KCNIP4: variants seen among roughly 807,000 people sequenced by gnomAD.
KCNIP4 encodes Kv channel-interacting protein 4.
Under a neutral mutation model 34.0 loss-of-function variants are expected in KCNIP4, and 12 were observed. That is an observed-to-expected ratio of 0.35 (90% CI 0.23 to 0.57). KCNIP4 has a LOEUF of 0.57. Ranked by LOEUF, KCNIP4 falls within the 20% of genes least tolerant of loss-of-function variation. KCNIP4 has a pLI of 0.83. For synonymous variants in KCNIP4, 124 were observed against 102.2 expected (o/e 1.21, Z -1.29); for missense variants, 238 against 311.7 (o/e 0.76, Z 1.78).
intron 1 of KCNIP4, among the ~76,000 whole-genome samples, chr4:21,640,561 G>T (rs1052187773): frequency 2.0e-5 from 3 of 152,112 alleles, no homozygotes; most frequent in African/African-American, 7.2e-5. Flanking sequence ...TTAAATTACT[G>T]TGGGCCAGCT....
chr4:21,422,645 G>A (rs780314673), intron 1 of KCNIP4, among the ~76,000 whole-genome samples: 4 of 138,688 alleles, frequency 2.9e-5, no homozygotes, highest in African/African-American at 8.2e-5. Context: ...GGGAAACATC[G>A]TTTATGTGTG....
intron 1 of KCNIP4, among the ~76,000 whole-genome samples, chr4:21,892,609 C>T (rs1330223239): frequency 6.7e-6 from 1 of 149,652 alleles, no homozygotes; most frequent in Non-Finnish European, 1.5e-5. Context: ...AAAATTAGGT[C>T]CCAACAGGTT....
intron 1 of KCNIP4, among the ~76,000 whole-genome samples, chr4:21,284,591 C>A (rs1320716287): frequency 6.6e-6 from 1 of 152,124 alleles, no homozygotes; most frequent in Non-Finnish European, 1.5e-5. Context: ...GGGATAGGAG[C>A]TAAGATTTTT....
chr4:21,584,232 T>C (rs1302433657), intron 1 of KCNIP4, among the ~76,000 whole-genome samples: 1 of 152,060 alleles, frequency 6.6e-6, no homozygotes, highest in Non-Finnish European at 1.5e-5. Context: ...TTTTTCTTCC[T>C]AGGTTGCTTA....
At chr4:21,793,019 G>T (rs1172630139) in intron 1 of KCNIP4, among the ~76,000 whole-genome samples, 3 of 152,114 alleles carry the variant, frequency 2.0e-5, no homozygotes, top group Non-Finnish European at 4.4e-5. Flanking sequence ...AGGTGTTTGG[G>T]GGCAGAAATT....
At chr4:21,835,886 A>G (rs1005945429) in intron 1 of KCNIP4, among the ~76,000 whole-genome samples, 4 of 152,214 alleles carry the variant, frequency 2.6e-5, no homozygotes, top group African/African-American at 9.6e-5. Flanking sequence ...TTCAGCAAGG[A>G]CTGACCTAAA....
In KCNIP4 at chr4:20,999,119, T is replaced by A. The variant is rs575616106; in HGVS notation, c.62-116410A>T. On this transcript the variant is annotated intron_variant, in intron 1 of 8. Transcript: ENST00000382152. Reference sequence around the variant, plus strand: ...CAGGTTTTCTGACAAAAAGACATCATCTGAACAGAGCTCTTAAGTATGAGC... The same window carrying A: ...CAGGTTTTCTGACAAAAAGACATCAACTGAACAGAGCTCTTAAGTATGAGC... Among the ~76,000 whole-genome samples the A allele has an allele frequency of 1.6e-4, 25 of 152,282 alleles. No homozygotes were observed. The South Asian group carries it at 2.9e-3, about 18-fold the overall frequency.
At chr4:21,370,129 C>T (rs540657487) in intron 1 of KCNIP4, among the ~76,000 whole-genome samples, 4 of 147,652 alleles carry the variant, frequency 2.7e-5, no homozygotes, top group South Asian at 4.2e-4. Flanking sequence ...ACCCGGCCAA[C>T]CCAAGTTATT....
chr4:21,531,267 G>T lies in KCNIP4; in HGVS notation c.61+417304C>A, dbSNP rs183688187. Reference sequence around the variant, plus strand: ...AAATTGGGAAGTAGTTTTGAAAGCTGCAGTGCCTTCCTTCCTTTCCTTCTT... The same window carrying T: ...AAATTGGGAAGTAGTTTTGAAAGCTTCAGTGCCTTCCTTCCTTTCCTTCTT... On this transcript the variant is annotated intron_variant, in intron 1 of 8. Transcript: ENST00000382152. 7.6e-4 allele frequency among the ~76,000 whole-genome samples: 115 copies of T among 151,960 alleles called. 2 individuals are homozygous for T. Among genetic ancestry groups the T allele is most frequent in the Admixed American group, 6.1e-3 (93 of 15,262 alleles).
At chr4:21,570,411 G>A (rs4146843) in intron 1 of KCNIP4, among the ~76,000 whole-genome samples, 64,003 of 151,752 alleles carry the variant, frequency 0.42, 13,598 homozygotes, top group East Asian at 0.57. Flanking sequence ...CCCTGATGTA[G>A]GTCAGAAATG....
chr4:21,932,465 G>C (rs1160945075), intron 1 of KCNIP4, among the ~76,000 whole-genome samples: 3 of 152,074 alleles, frequency 2.0e-5, no homozygotes, highest in Non-Finnish European at 4.4e-5. Context: ...TAAATATATA[G>C]GGAAGTTACT....
At chr4:21,698,886 T>G (rs1305870323) in intron 1 of KCNIP4, among the ~76,000 whole-genome samples, 1 of 152,164 alleles carries the variant, frequency 6.6e-6, no homozygotes, top group Admixed American at 6.5e-5. Flanking sequence ...GGAAACTCAT[T>G]CTCTTCTAGA....
intron 1 of KCNIP4, among the ~76,000 whole-genome samples, chr4:21,711,991 T>A (rs1328948895): frequency 1.3e-5 from 2 of 152,186 alleles, no homozygotes; most frequent in Admixed American, 1.3e-4. Flanking sequence ...ATGTGTTCCA[T>A]TCTTTGCCTG....
chr4:20,952,580 T>C (rs1024754694), intron 1 of KCNIP4, among the ~76,000 whole-genome samples: 2 of 152,352 alleles, frequency 1.3e-5, no homozygotes, highest in Non-Finnish European at 1.5e-5. Flanking sequence ...AAGAGACTGA[T>C]TGCTCATTAT....
At chr4:21,548,568 T>C (rs557256183) in intron 1 of KCNIP4, among the ~76,000 whole-genome samples, 51 of 133,384 alleles carry the variant, frequency 3.8e-4, no homozygotes, top group African/African-American at 1.2e-3. Context: ...TTCTATTCAC[T>C]CTGAAGTCTA....
At chr4:21,837,107 T>C (rs1405172755) in intron 1 of KCNIP4, among the ~76,000 whole-genome samples, 5 of 150,250 alleles carry the variant, frequency 3.3e-5, no homozygotes, top group Non-Finnish European at 7.4e-5. Context: ...TTAGTAGAGA[T>C]GGGGTTTCAC....
At chr4:21,735,452 T>C (rs1270951476) in intron 1 of KCNIP4, among the ~76,000 whole-genome samples, 3 of 152,154 alleles carry the variant, frequency 2.0e-5, no homozygotes, top group Non-Finnish European at 2.9e-5. Flanking sequence ...CCTTATTCAG[T>C]TCTATTGCAT....
At chr4:21,195,653 C>A (rs1032296315) in intron 1 of KCNIP4, among the ~76,000 whole-genome samples, 19 of 152,154 alleles carry the variant, frequency 1.2e-4, no homozygotes, top group African/African-American at 4.6e-4. Flanking sequence ...AGAAAGGAAC[C>A]AATAACAAAG....
At chr4:21,005,706 T>G (rs1330760048) in intron 1 of KCNIP4, among the ~76,000 whole-genome samples, 2 of 152,098 alleles carry the variant, frequency 1.3e-5, no homozygotes, top group Non-Finnish European at 2.9e-5. Flanking sequence ...GAAAATAGAA[T>G]TATAGAATTT....
Sources: gnomAD v4.1 joint callset for allele counts (sites outside exome capture counted in the v4.1 genomes callset) on GRCh38, gnomAD v4.1.1 for gene constraint, MANE v1.5 for transcripts, NCBI Gene and HGNC (gene_info 2026-07-23, HGNC 2026-07-21) for gene names.